Variants in MEI1 observed in about 807,000 individuals in gnomAD.
MEI1 encodes meiosis inhibitor protein 1.
A neutral mutation model predicts 146.2 loss-of-function variants in MEI1; 103 were observed. That is an observed-to-expected ratio of 0.70 (90% CI 0.60 to 0.83). The LOEUF is 0.83. Ranked by LOEUF, MEI1 falls within the 40% of genes least tolerant of loss-of-function variation. The probability of loss-of-function intolerance (pLI) is 0.00; values close to 1 mark genes in which losing one functional copy is unlikely to be tolerated. For missense variants in MEI1, 1,529 were observed against 1,533.0 expected (o/e 1.00, Z 0.04); for synonymous variants, 652 against 628.2 (o/e 1.04, Z -0.57).
rs2076328913 is a variant in MEI1, at chr22:41,795,509, C to G, written c.3633C>G (p.Thr1211=). 1.2e-6 allele frequency: 2 copies of G among 1,613,426 alleles called. No individual in the cohort carries two copies. Among genetic ancestry groups the G allele is most frequent in the South Asian group, 2.2e-5 (2 of 91,060 alleles). The change falls in exon 29 of 31, where the codon ACC becomes ACG. Residue 1211 remains threonine, a synonymous_variant. Transcript: ENST00000401548. The surrounding 1 kb of genome is among the most constrained non-coding windows in gnomAD (Gnocchi z 4.2). ...ALADLSTLSN[T]TLQALHGFFQ... is the part of the protein sequence containing the mutation. Reference sequence around the variant, plus strand: ...CTGACCTGTCTACCCTCTCGAACACCACACTCCAGGCCCTGCATGGCTTCT... The same window carrying G: ...CTGACCTGTCTACCCTCTCGAACACGACACTCCAGGCCCTGCATGGCTTCT...
chr22:41,721,817 T>C (rs1228247568), intron 6 of MEI1, among the ~76,000 whole-genome samples: 1 of 139,492 alleles, frequency 7.2e-6, no homozygotes, highest in Non-Finnish European at 1.5e-5. Flanking sequence ...GCCTCCCGGG[T>C]TCAAGTGATT....
chr22:41,776,270 C>T lies in MEI1; in HGVS notation c.2710+3C>T. 6.2e-7 allele frequency: 1 copy of T among 1,613,122 alleles called. No individual in the cohort carries two copies. The highest frequency in any genetic ancestry group is 8.5e-7 in the Non-Finnish European group (1 of 1,179,728). ...GCATGGGGCATCCCCATCAGGAGGT[C>T]AGTCTGCAGGTGCTGTGGGCACACT... On this transcript the variant is annotated splice_donor_region_variant and intron_variant, in intron 21 of 30. Transcript: ENST00000401548.
At chr22:41,763,469 T>TGCA (rs1264885446) in intron 19 of MEI1, 148 bp downstream of exon 19, 119 of 775,442 alleles carry the variant, frequency 1.5e-4, no homozygotes, top group Middle Eastern at 5.0e-4. Context: ...AGGAGTAGGA[T>TGCA]GCAGACTCAT....
Position 41,746,045 on chromosome 22 carries a change from C to T in MEI1, c.1680+19C>T, listed in dbSNP as rs562725230. The T allele has an allele frequency of 1.3e-4, 203 of 1,563,962 alleles. No homozygotes were observed. The highest frequency in any genetic ancestry group is 1.7e-4 in the Middle Eastern group (1 of 5,814). On this transcript the variant is annotated intron_variant, in intron 14 of 30. Coordinates refer to ENST00000401548, the MANE Select transcript of MEI1 (RefSeq NM_152513.4). ...GGTGATGGTGGGTTCTCCTGAGCCA[C>T]GGGCAACATGAAGCTTGGGGAAGAG...
chr22:41,775,965 G>A (rs968212182), intron 20 of MEI1, 137 bp from the exon 21 acceptor site: 3 of 791,540 alleles, frequency 3.8e-6, no homozygotes, highest in Non-Finnish European at 6.0e-6. Context: ...TACATAATAG[G>A]TGCTGAGTAA....
chr22:41,711,134 G>T (rs1423867219), intron 3 of MEI1, among the ~76,000 whole-genome samples: 1 of 151,926 alleles, frequency 6.6e-6, no homozygotes, highest in African/African-American at 2.4e-5. Context: ...CCTCTGAAAG[G>T]TCCATCTTCT....
At chr22:41,778,506 C>T (rs538562903) in intron 21 of MEI1, among the ~76,000 whole-genome samples, 7 of 152,306 alleles carry the variant, frequency 4.6e-5, no homozygotes, top group African/African-American at 1.4e-4. Flanking sequence ...TGGTACCAAC[C>T]TATGTCTGGC....
At chr22:41,755,922 C>T (rs79634727) in intron 17 of MEI1, among the ~76,000 whole-genome samples, 2,689 of 152,064 alleles carry the variant, frequency 0.018, 35 homozygotes, top group Non-Finnish European at 0.028. Flanking sequence ...TGGATTCTTT[C>T]GGTTGACCTT....
chr22:41,720,858 G>A lies in MEI1; in HGVS notation c.733+2584G>A, dbSNP rs188388130. Among the ~76,000 whole-genome samples, 731 of 149,978 alleles carry A rather than the reference G, an allele frequency of 4.9e-3. 7 individuals are homozygous for A. Among genetic ancestry groups the A allele is most frequent in the African/African-American group, 0.016 (635 of 40,832 alleles). ...GTGATCTCTGCTCACTGCAAGCTCC[G>A]CCTCCCAGGTTCACGCCATTCTCCT... On this transcript the variant is annotated intron_variant, in intron 6 of 30. Transcript: ENST00000401548.
At chr22:41,785,129 G>A (rs1258104265) in intron 26 of MEI1, among the ~76,000 whole-genome samples, 2 of 150,762 alleles carry the variant, frequency 1.3e-5, no homozygotes, top group Admixed American at 1.3e-4. Flanking sequence ...TAGAGACGGG[G>A]TTTCACCATG....
intron 11 of MEI1, among the ~76,000 whole-genome samples, chr22:41,735,367 TG>T (rs1366665768): frequency 6.6e-6 from 1 of 151,540 alleles, no homozygotes; most frequent in Non-Finnish European, 1.5e-5. Flanking sequence ...CCCGAGTAGC[TG>T]GGATTACAGG....
intron 14 of MEI1, among the ~76,000 whole-genome samples, 197 bp downstream of exon 14, chr22:41,746,223 T>C (rs1298853175): frequency 6.6e-6 from 1 of 152,312 alleles, no homozygotes; most frequent in East Asian, 1.9e-4. Flanking sequence ...CAGGTTCATC[T>C]TAAGAAAAAA....
intron 4 of MEI1, among the ~76,000 whole-genome samples, chr22:41,715,794 G>C (rs749013594): frequency 8.5e-5 from 13 of 152,058 alleles, no homozygotes; most frequent in Non-Finnish European, 1.5e-4. Flanking sequence ...AAAATATGTA[G>C]ATTTTAATTC....
At chr22:41,724,197 A>G in intron 7 of MEI1, 124 bp downstream of exon 7, 2 of 1,220,220 alleles carry the variant, frequency 1.6e-6, no homozygotes, top group Non-Finnish European at 1.1e-6. Context: ...TGGGCAAAAT[A>G]ATATACTGGC....
At chr22:41,700,991 G>A (rs989780668) in intron 1 of MEI1, among the ~76,000 whole-genome samples, 1 of 149,350 alleles carries the variant, frequency 6.7e-6, no homozygotes, top group African/African-American at 2.5e-5. Flanking sequence ...CCAGGCTGGA[G>A]TGCAATGGCG....
intron 6 of MEI1, among the ~76,000 whole-genome samples, chr22:41,720,018 C>G (rs1443105947): frequency 2.6e-5 from 4 of 152,132 alleles, no homozygotes; most frequent in African/African-American, 9.7e-5. Flanking sequence ...GCTCTGAGGT[C>G]ACAGAGATGA....
At chr22:41,768,283 G>C (rs561815755) in intron 19 of MEI1, among the ~76,000 whole-genome samples, 1 of 152,116 alleles carries the variant, frequency 6.6e-6, no homozygotes, top group African/African-American at 2.4e-5. Flanking sequence ...TCGGGAGGCT[G>C]AGGCAGGAGA....
chr22:41,734,798 C>T (rs549772223), intron 11 of MEI1, among the ~76,000 whole-genome samples: 1 of 149,562 alleles, frequency 6.7e-6, no homozygotes, highest in Non-Finnish European at 1.5e-5. Flanking sequence ...CCACCATGCC[C>T]AGCTAATTTT....
At chr22:41,768,275 G>T (rs771444499) in intron 19 of MEI1, among the ~76,000 whole-genome samples, 3 of 151,918 alleles carry the variant, frequency 2.0e-5, no homozygotes, top group African/African-American at 4.8e-5. Flanking sequence ...CCAGCTACTC[G>T]GGAGGCTGAG....
Sources: allele counts gnomAD v4.1 joint callset (sites outside exome capture counted in the v4.1 genomes callset), GRCh38; gene constraint gnomAD v4.1.1; non-coding constraint Gnocchi (gnomAD v3.1); transcripts MANE v1.5; gene names NCBI Gene and HGNC (gene_info 2026-07-23, HGNC 2026-07-21).